SERGEF: variants seen among roughly 807,000 people sequenced by gnomAD.
The protein encoded by SERGEF is secretion-regulating guanine nucleotide exchange factor.
Under a neutral mutation model 50.0 loss-of-function variants are expected in SERGEF, and 51 were observed. That is an observed-to-expected ratio of 1.02 (90% CI 0.81 to 1.29). The LOEUF is 1.29. Among genes scored for constraint, SERGEF ranks in the 50% most tolerant of loss-of-function variants. The probability of loss-of-function intolerance (pLI) is 0.00; values close to 1 mark genes in which losing one functional copy is unlikely to be tolerated. For missense variants in SERGEF, 521 were observed against 557.0 expected, an observed-to-expected ratio of 0.94 and a Z score of 0.65; for synonymous variants, 205 against 212.4, an observed-to-expected ratio of 0.97 and a Z score of 0.30.
chr11:17,902,238 G>A (rs1014865281), intron 9 of SERGEF, among the ~76,000 whole-genome samples: 10 of 152,042 alleles, frequency 6.6e-5, no homozygotes, highest in Non-Finnish European at 2.9e-5. Flanking sequence ...ATTGATGAAA[G>A]AGCTATAACG....
intron 9 of SERGEF, among the ~76,000 whole-genome samples, chr11:17,938,183 C>A (rs1376601643): frequency 2.0e-5 from 3 of 152,198 alleles, no homozygotes; most frequent in African/African-American, 7.2e-5. Context: ...AAAGGCTTCA[C>A]TTTGCAGCTG....
chr11:17,945,079 C>T (rs1255315002), intron 9 of SERGEF, among the ~76,000 whole-genome samples: 6 of 152,158 alleles, frequency 3.9e-5, no homozygotes, highest in African/African-American at 1.4e-4. Flanking sequence ...TTAAATAAGC[C>T]ACTTACTCAT....
At chr11:17,804,981 C>T (rs979343970) in intron 10 of SERGEF, among the ~76,000 whole-genome samples, 1 of 152,196 alleles carries the variant, frequency 6.6e-6, no homozygotes, top group Admixed American at 6.5e-5. Flanking sequence ...TCCCAATTTA[C>T]TTCCATGATC....
intron 8 of SERGEF, among the ~76,000 whole-genome samples, chr11:17,980,405 T>C (rs1383435886): frequency 1.3e-5 from 2 of 152,180 alleles, no homozygotes; most frequent in Non-Finnish European, 1.5e-5. Flanking sequence ...CATATATACA[T>C]GGGAATAGAT....
intron 10 of SERGEF, among the ~76,000 whole-genome samples, chr11:17,860,360 T>C (rs1253519371): frequency 1.3e-5 from 2 of 152,182 alleles, no homozygotes; most frequent in African/African-American, 2.4e-5. Context: ...AATAATAGAC[T>C]AATGACTTAA....
At chr11:17,926,403 C>A (rs1852249907) in intron 9 of SERGEF, among the ~76,000 whole-genome samples, 1 of 152,148 alleles carries the variant, frequency 6.6e-6, no homozygotes, top group Non-Finnish European at 1.5e-5. Flanking sequence ...CAGGGAGAGA[C>A]AGGTAAACAG....
Position 17,831,190 on chromosome 11 carries a change from C to A in SERGEF, c.1049-42777G>T, listed in dbSNP as rs536049126. Among the ~76,000 whole-genome samples the A allele has an allele frequency of 2.0e-5, 3 of 152,332 alleles. No individual in the cohort carries two copies. The South Asian group carries it at 6.2e-4, about 32-fold the overall frequency. ...TTCCTGTCACCTACCTCCAGAGATT[C>A]TGATTCAGCAGGATGAGATAGAGCC... On this transcript the variant is annotated intron_variant, in intron 10 of 10. Transcript: ENST00000265965.
At chr11:17,854,565 C>T (rs1011590392) in intron 10 of SERGEF, among the ~76,000 whole-genome samples, 1 of 152,102 alleles carries the variant, frequency 6.6e-6, no homozygotes, top group African/African-American at 2.4e-5. Context: ...AAATCTCTTC[C>T]GTACTTCCTA....
intron 9 of SERGEF, among the ~76,000 whole-genome samples, chr11:17,914,769 A>C (rs7109437): frequency 1.8e-3 from 277 of 152,238 alleles, no homozygotes; most frequent in African/African-American, 6.5e-3. Context: ...TCTTTCATAC[A>C]TATTTTATTT....
Position 17,988,769 on chromosome 11 carries a change from A to C in SERGEF, c.686-14T>G. ...CCTCTCCTGCATCTTAAACAAACAG[A>C]AGGGTAACAAAAGAGGTGAGGGAAC... On this transcript the variant is annotated splice_polypyrimidine_tract_variant and intron_variant, in intron 7 of 10. Coordinates refer to ENST00000265965, the MANE Select transcript of SERGEF (RefSeq NM_012139.4). The C allele has an allele frequency of 3.1e-6, 5 of 1,611,804 alleles. No individual in the cohort carries two copies. The highest frequency in any genetic ancestry group is 4.2e-6 in the Non-Finnish European group (5 of 1,178,566).
chr11:17,959,453 G>T lies in SERGEF; in HGVS notation c.1011+17C>A. ...AGAAAAAGGGACAGATTACATCTGT[G>T]AGAAGTCACTTCCTACCTCAGTTGC... is the stretch of plus-strand genomic sequence containing the variant. On this transcript the variant is annotated intron_variant, in intron 9 of 10. Transcript: ENST00000265965. The T allele has an allele frequency of 6.2e-7, 1 of 1,609,460 alleles. No homozygotes were observed. The highest frequency in any genetic ancestry group is 1.1e-5 in the South Asian group (1 of 90,392).
chr11:17,984,525 C>G (rs1212310010), intron 8 of SERGEF, among the ~76,000 whole-genome samples: 1 of 152,210 alleles, frequency 6.6e-6, no homozygotes, highest in Admixed American at 6.5e-5. Context: ...TCAGGCCCCA[C>G]CTCCAACACT....
chr11:17,861,165 C>T (rs751956789), intron 10 of SERGEF, among the ~76,000 whole-genome samples: 29 of 152,110 alleles, frequency 1.9e-4, no homozygotes, highest in Non-Finnish European at 3.8e-4. Context: ...ACAAAGAGGG[C>T]CATATGGGAA....
chr11:17,837,916 C>T (rs1017524908), intron 10 of SERGEF, among the ~76,000 whole-genome samples: 6 of 152,208 alleles, frequency 3.9e-5, no homozygotes, highest in Admixed American at 6.5e-5. Flanking sequence ...TCACCCGCCT[C>T]GGCCTCCCAA....
chr11:17,917,630 A>G (rs1317880695), intron 9 of SERGEF, among the ~76,000 whole-genome samples: 3 of 152,250 alleles, frequency 2.0e-5, no homozygotes, highest in Non-Finnish European at 2.9e-5. Flanking sequence ...GACTTACTGC[A>G]TGAGTATATC....
chr11:17,825,311 A>C (rs1410749622), intron 10 of SERGEF, among the ~76,000 whole-genome samples: 1 of 152,172 alleles, frequency 6.6e-6, no homozygotes, highest in African/African-American at 2.4e-5. Context: ...GGAAATTCAA[A>C]ACCATGGAAA....
At chr11:17,813,131 T>G (rs1233580510) in intron 10 of SERGEF, among the ~76,000 whole-genome samples, 1 of 152,206 alleles carries the variant, frequency 6.6e-6, no homozygotes, top group Non-Finnish European at 1.5e-5. Context: ...AGTCATTTAA[T>G]CTCTTTGAAC....
intron 9 of SERGEF, among the ~76,000 whole-genome samples, chr11:17,932,684 C>T (rs1385001913): frequency 6.6e-6 from 1 of 152,108 alleles, no homozygotes; most frequent in African/African-American, 2.4e-5. Context: ...ATCAACCCAG[C>T]ACAGCTTAGT....
intron 10 of SERGEF, among the ~76,000 whole-genome samples, chr11:17,861,883 A>G (rs1412774685): frequency 1.3e-5 from 2 of 152,238 alleles, no homozygotes; most frequent in Admixed American, 1.3e-4. Context: ...TACCAAATTA[A>G]TATCTTACAA....
Sources: allele counts gnomAD v4.1 joint callset (sites outside exome capture counted in the v4.1 genomes callset), GRCh38; gene constraint gnomAD v4.1.1; transcripts MANE v1.5; gene names NCBI Gene and HGNC (gene_info 2026-07-23, HGNC 2026-07-21).